The following SKA2 variants were observed in gnomAD, a reference collection of about 807,000 sequenced individuals.
The protein encoded by SKA2 is spindle and kinetochore-associated protein 2.
Under a neutral mutation model 16.9 loss-of-function variants are expected in SKA2, and 13 were observed. The ratio of observed to expected loss-of-function variants is 0.77; its 90% CI spans 0.50 to 1.22. The LOEUF is 1.22. Among genes scored for constraint, SKA2 ranks in the 50% most tolerant of loss-of-function variants. SKA2 has a pLI of 0.00. For missense variants in SKA2, 107 were observed against 139.7 expected (o/e 0.77, Z 1.18); for synonymous variants, 47 against 48.5 (o/e 0.97, Z 0.13).
At chr17:59,118,593 T>C (rs1599658715) in intron 3 of SKA2, among the ~76,000 whole-genome samples, 2 of 87,260 alleles carry the variant, frequency 2.3e-5, no homozygotes, top group South Asian at 5.5e-4. Flanking sequence ...ATATACATAC[T>C]TTTTTTTGCA....
intron 2 of SKA2, among the ~76,000 whole-genome samples, chr17:59,124,869 C>CAGGTTAGGACTG (rs1321920700): frequency 1.3e-5 from 2 of 152,020 alleles, no homozygotes; most frequent in East Asian, 1.9e-4. Flanking sequence ...CTGTTTATGA[C>CAGGTTAGGACTG]AGGTTAGGAC....
intron 1 of SKA2, among the ~76,000 whole-genome samples, chr17:59,144,849 G>A (rs780012896): frequency 5.3e-5 from 8 of 152,082 alleles, no homozygotes; most frequent in Non-Finnish European, 7.4e-5. Context: ...CTGTCGCCCA[G>A]GTTCCCAGGT....
At chr17:59,125,921 C>T (rs1471202878) in intron 2 of SKA2, among the ~76,000 whole-genome samples, 2 of 152,086 alleles carry the variant, frequency 1.3e-5, no homozygotes, top group Admixed American at 1.3e-4. Flanking sequence ...CCTGTAATCC[C>T]AGCACTTTGG....
At chr17:59,131,792 T>TTA (rs778598107) in intron 1 of SKA2, among the ~76,000 whole-genome samples, 5 of 152,228 alleles carry the variant, frequency 3.3e-5, no homozygotes, top group Non-Finnish European at 5.9e-5. Flanking sequence ...AATACTCATA[T>TTA]TGTTACCTTT....
At position 59,140,821 on chromosome 17, in the gene SKA2, C is replaced by G. The variant is rs1453306459; in HGVS notation, c.34-9454G>C. Among the ~76,000 whole-genome samples the G allele has an allele frequency of 3.4e-5, 5 of 145,314 alleles. No individual in the cohort carries two copies. In the Admixed American group the frequency reaches 3.5e-4, roughly 10 times the overall value. On this transcript the variant is annotated intron_variant, in intron 1 of 3. Coordinates refer to ENST00000330137, the MANE Select transcript of SKA2 (RefSeq NM_182620.4). Reference sequence around the variant, plus strand: ...GTATTCTTTAGTAGAGACAGGGTTTCACCGTATTAGCTAGGATGACCTCAA... The same window carrying G: ...GTATTCTTTAGTAGAGACAGGGTTTGACCGTATTAGCTAGGATGACCTCAA...
intron 3 of SKA2, among the ~76,000 whole-genome samples, chr17:59,113,326 A>G (rs1327112060): frequency 1.3e-5 from 2 of 151,716 alleles, no homozygotes; most frequent in Non-Finnish European, 2.9e-5. Flanking sequence ...GTTTGAGACC[A>G]GCCTGACCAA....
intron 2 of SKA2, among the ~76,000 whole-genome samples, chr17:59,121,014 T>C (rs2046329051): frequency 6.6e-6 from 1 of 151,832 alleles, no homozygotes; most frequent in Non-Finnish European, 1.5e-5. Flanking sequence ...TAGCTGGGCA[T>C]TGTGGCGGGC....
chr17:59,119,225 G>T, intron 3 of SKA2, 94 bp downstream of exon 3: 1 of 1,367,478 alleles, frequency 7.3e-7, no homozygotes, highest in Non-Finnish European at 9.9e-7. Context: ...ACTGACTGCT[G>T]AGTTTCAAAA....
At chr17:59,119,969 C>T (rs190071989) in intron 2 of SKA2, among the ~76,000 whole-genome samples, 264 of 150,466 alleles carry the variant, frequency 1.8e-3, no homozygotes, top group Non-Finnish European at 2.9e-3. Context: ...AGTGCAGTGG[C>T]GCAATCTCAG....
intron 1 of SKA2, among the ~76,000 whole-genome samples, chr17:59,145,856 G>T (rs1224079859): frequency 6.6e-6 from 1 of 151,966 alleles, no homozygotes; most frequent in East Asian, 1.9e-4. Context: ...AGGCATCATG[G>T]TGCAACACCT....
chr17:59,151,644 C>T (rs72830746), intron 1 of SKA2: 2,071 of 163,520 alleles, frequency 0.013, 15 homozygotes, highest in Non-Finnish European at 0.02. Flanking sequence ...TAAAACAAGC[C>T]CTTTGAATAA....
chr17:59,145,773 G>A (rs958330015), intron 1 of SKA2, among the ~76,000 whole-genome samples: 2 of 152,092 alleles, frequency 1.3e-5, no homozygotes, highest in Admixed American at 6.6e-5. Context: ...AGGATCATTT[G>A]AGTCCAGGAG....
At chr17:59,125,717 T>C (rs1034090961) in intron 2 of SKA2, among the ~76,000 whole-genome samples, 2 of 144,080 alleles carry the variant, frequency 1.4e-5, no homozygotes, top group African/African-American at 5.1e-5. Context: ...CAAAAATACA[T>C]AAAAATACTC....
rs764457807 is a variant in SKA2 at position 59,112,240 on chromosome 17, T to C, written c.*37A>G. On this transcript the variant is annotated 3_prime_UTR_variant, in exon 4 of 4. Coordinates refer to ENST00000330137, the MANE Select transcript of SKA2 (RefSeq NM_182620.4). ...TTCCTAAATTTCTCCGGAATTAAGC[T>C]CTTCTCTGTTAGAATTTCCTTTCCA... 9 of 1,532,322 alleles carry C rather than the reference T, an allele frequency of 5.9e-6. No homozygotes were observed. The highest frequency in any genetic ancestry group is 2.7e-6 in the Non-Finnish European group (3 of 1,114,334). The allele number at this position is 1,532,322 out of a possible 1,614,324, so 94.9% of individuals were successfully genotyped here.
chr17:59,134,776 CATG>C (rs775719941), intron 1 of SKA2, among the ~76,000 whole-genome samples: 3 of 152,054 alleles, frequency 2.0e-5, no homozygotes, highest in Non-Finnish European at 2.9e-5. Context: ...TGTCACAAAA[CATG>C]ATGAGTTTGG....
At chr17:59,132,155 A>C (rs915269860) in intron 1 of SKA2, among the ~76,000 whole-genome samples, 1 of 152,014 alleles carries the variant, frequency 6.6e-6, no homozygotes, top group Non-Finnish European at 1.5e-5. Context: ...CAGGAGTTTG[A>C]GACCAGCCTG....
intron 2 of SKA2, among the ~76,000 whole-genome samples, chr17:59,128,213 T>C (rs2046384808): frequency 6.8e-6 from 1 of 147,910 alleles, no homozygotes. Context: ...AGACTCCATC[T>C]CAGAAAAAAA....
At chr17:59,113,115 C>T (rs1448544354) in intron 3 of SKA2, among the ~76,000 whole-genome samples, 2 of 151,710 alleles carry the variant, frequency 1.3e-5, no homozygotes, top group Non-Finnish European at 2.9e-5. Flanking sequence ...CCCAGCTGCT[C>T]GGGAGGCTGT....
chr17:59,128,779 G>A (rs2046389175), intron 2 of SKA2, among the ~76,000 whole-genome samples: 1 of 152,130 alleles, frequency 6.6e-6, no homozygotes, highest in Non-Finnish European at 1.5e-5. Context: ...GCAGGGAAGG[G>A]TGGTAGGGAG....
Sources: gnomAD v4.1 joint callset for allele counts (sites outside exome capture counted in the v4.1 genomes callset) on GRCh38, gnomAD v4.1.1 for gene constraint, MANE v1.5 for transcripts, NCBI Gene and HGNC (gene_info 2026-07-23, HGNC 2026-07-21) for gene names.